ATP6V1A: variants seen among roughly 807,000 people sequenced by gnomAD.
The protein encoded by ATP6V1A is ATPase H+ transporting V1 subunit A, also known as V-type proton ATPase catalytic subunit A.
Under a neutral mutation model 70.1 loss-of-function variants are expected in ATP6V1A, and 18 were observed. The observed-to-expected ratio is 0.26, with a 90% CI of 0.18 to 0.38. The LOEUF is 0.38. Ranked by LOEUF, ATP6V1A falls within the 10% of genes least tolerant of loss-of-function variation. The probability of loss-of-function intolerance (pLI) is 1.00; values close to 1 mark genes in which losing one functional copy is unlikely to be tolerated. For synonymous variants in ATP6V1A, 232 were observed against 253.8 expected (o/e 0.91, Z 0.82); for missense variants, 424 against 772.4 (o/e 0.55, Z 5.35).
intron 12 of ATP6V1A, among the ~76,000 whole-genome samples, chr3:113,798,813 C>A (rs1709180277): frequency 6.6e-6 from 1 of 152,136 alleles, no homozygotes; most frequent in African/African-American, 2.4e-5. Context: ...GAGTTACATT[C>A]TTGTGCCTGT....
At chr3:113,800,575 A>G (rs1709200039) in intron 12 of ATP6V1A, among the ~76,000 whole-genome samples, 1 of 152,192 alleles carries the variant, frequency 6.6e-6, no homozygotes, top group African/African-American at 2.4e-5. Context: ...AAAAAACAAA[A>G]TGGATTGTTC....
chr3:113,760,827 G>C (rs1204817901), intron 1 of ATP6V1A, among the ~76,000 whole-genome samples: 5 of 151,720 alleles, frequency 3.3e-5, no homozygotes. Flanking sequence ...CCAGCACTTT[G>C]GGAGGCCAAG....
At chr3:113,792,605 G>C (rs1709108276) in intron 8 of ATP6V1A, among the ~76,000 whole-genome samples, 1 of 152,070 alleles carries the variant, frequency 6.6e-6, no homozygotes, top group African/African-American at 2.4e-5. Flanking sequence ...CAAAGTCCTG[G>C]GATTATAGGC....
chr3:113,794,142 C>T (rs1249975841), intron 8 of ATP6V1A, among the ~76,000 whole-genome samples: 1 of 152,188 alleles, frequency 6.6e-6, no homozygotes, highest in African/African-American at 2.4e-5. Context: ...TCTAAATTTA[C>T]AGGATAGGAC....
At chr3:113,759,764 TTA>T (rs1306065096) in intron 1 of ATP6V1A, among the ~76,000 whole-genome samples, 4 of 152,172 alleles carry the variant, frequency 2.6e-5, no homozygotes, top group African/African-American at 9.7e-5. Context: ...TGAAAGGGTT[TTA>T]TCAGTTTTCA....
intron 1 of ATP6V1A, among the ~76,000 whole-genome samples, chr3:113,774,494 T>G (rs1708886066): frequency 6.6e-6 from 1 of 152,058 alleles, no homozygotes; most frequent in South Asian, 2.1e-4. Flanking sequence ...TTCAAAGTCT[T>G]CAAACCGTGG....
chr3:113,806,120 A>G (rs2108046498), intron 14 of ATP6V1A, among the ~76,000 whole-genome samples: 1 of 152,234 alleles, frequency 6.6e-6, no homozygotes, highest in East Asian at 1.9e-4. Context: ...AAAAAATACA[A>G]AAGATTAGCC....
intron 1 of ATP6V1A, among the ~76,000 whole-genome samples, chr3:113,753,718 C>T (rs1708615807): frequency 1.5e-5 from 2 of 132,906 alleles, no homozygotes; most frequent in South Asian, 4.5e-4. Context: ...TTTCCTGAGA[C>T]AGGATCTTGC....
rs935959947 is a variant in ATP6V1A at position 113,758,960 on chromosome 3, A to C, written c.-14+11847A>C. Among the ~76,000 whole-genome samples, 3 of 152,188 alleles carry C rather than the reference A, an allele frequency of 2.0e-5. No homozygotes were observed. In the South Asian group the frequency reaches 6.2e-4, roughly 32 times the overall value. The stretch of plus-strand genomic sequence containing the variant: ...CATCTTTTCATGTACTTTGCCATCT[A>C]TCTTCCTTGGTTAAGTGAATGTTCA... On this transcript the variant is annotated intron_variant, in intron 1 of 14. Transcript: ENST00000273398.
rs1395697242 is a variant in ATP6V1A at position 113,786,488 on chromosome 3, C to T, written c.716+105C>T. The T allele has an allele frequency of 7.2e-6, 8 of 1,117,324 alleles. No homozygotes were observed. The South Asian group carries it at 1.6e-4, about 23-fold the overall frequency. 69.2% of individuals were successfully genotyped at this position (1,117,324 alleles called of 1,614,324 possible). On this transcript the variant is annotated intron_variant, in intron 6 of 14. Transcript: ENST00000273398. ...GGCTTATGTGTTTAACACTATAATA[C>T]ATTTTATCTAGAGTAATAATGGTGA...
intron 1 of ATP6V1A, among the ~76,000 whole-genome samples, chr3:113,768,811 G>A (rs931072522): frequency 2.0e-5 from 3 of 151,960 alleles, no homozygotes; most frequent in Non-Finnish European, 2.9e-5. Flanking sequence ...GGCCAGGCTG[G>A]TCTCAAACTC....
intron 1 of ATP6V1A, among the ~76,000 whole-genome samples, chr3:113,770,713 TAAG>T (rs2108019315): frequency 6.6e-6 from 1 of 151,912 alleles, no homozygotes; most frequent in African/African-American, 2.4e-5. Flanking sequence ...TATATTGTCT[TAAG>T]AAGGAGTTAT....
At position 113,770,586 on chromosome 3, in the gene ATP6V1A, C is replaced by T. The variant is rs557712846; in HGVS notation, c.-13-8155C>T. Among the ~76,000 whole-genome samples, 134 of 151,674 alleles carry T rather than the reference C, an allele frequency of 8.8e-4. No individual in the cohort carries two copies. The Middle Eastern group carries it at 0.01, about 12-fold the overall frequency. On this transcript the variant is annotated intron_variant, in intron 1 of 14. Transcript: ENST00000273398. ...CCCAGCTACTTGGGAGGCTGAGACA[C>T]AAGAATCGCTTGAACCCGGAAGGTG...
rs151069947 is a variant in ATP6V1A at position 113,751,805 on chromosome 3, C to G, written c.-14+4692C>G. 1.2e-3 allele frequency among the ~76,000 whole-genome samples: 177 copies of G among 151,590 alleles called. 1 individual carries two copies. Among genetic ancestry groups the G allele is most frequent in the African/African-American group, 3.9e-3 (161 of 41,454 alleles). On this transcript the variant is annotated intron_variant, in intron 1 of 14. Coordinates refer to ENST00000273398, the MANE Select transcript of ATP6V1A (RefSeq NM_001690.4). ...TTCGTAGTAACATATTTATTTTTACCTGAAACTACTGAAGTGATCTTTAGA... is the reference window on the plus strand; with the variant it reads ...TTCGTAGTAACATATTTATTTTTACGTGAAACTACTGAAGTGATCTTTAGA...
intron 2 of ATP6V1A, among the ~76,000 whole-genome samples, chr3:113,780,252 A>G (rs1018914017): frequency 2.6e-5 from 4 of 152,230 alleles, no homozygotes; most frequent in Admixed American, 2.0e-4. Context: ...CTGAAGTATT[A>G]CCTATAACAT....
At chr3:113,808,287 C>CTTTTTTT (rs748064694) in intron 14 of ATP6V1A, among the ~76,000 whole-genome samples, 14 of 89,810 alleles carry the variant, frequency 1.6e-4, no homozygotes, top group East Asian at 4.0e-4. Context: ...AAGTCTGTCT[C>CTTTTTTT]TTTTTTTTTT....
chr3:113,796,943 T>G (rs1256561229), intron 11 of ATP6V1A, among the ~76,000 whole-genome samples: 4 of 152,370 alleles, frequency 2.6e-5, no homozygotes, highest in East Asian at 1.9e-4. Context: ...GTTTTTGTTT[T>G]GTTTGTTTTG....
chr3:113,792,642 T>A (rs1709108505), intron 8 of ATP6V1A, among the ~76,000 whole-genome samples: 1 of 152,230 alleles, frequency 6.6e-6, no homozygotes, highest in Non-Finnish European at 1.5e-5. Context: ...GGCCTCTTTG[T>A]ACATTTCTTA....
intron 6 of ATP6V1A, among the ~76,000 whole-genome samples, chr3:113,786,731 G>T (rs930334343): frequency 6.6e-6 from 1 of 151,422 alleles, no homozygotes; most frequent in African/African-American, 2.4e-5. Flanking sequence ...ATTTTCTGAA[G>T]AAAATCTGTA....
Sources: gnomAD v4.1 joint callset for allele counts (sites outside exome capture counted in the v4.1 genomes callset) on GRCh38, gnomAD v4.1.1 for gene constraint, MANE v1.5 for transcripts, NCBI Gene and HGNC (gene_info 2026-07-23, HGNC 2026-07-21) for gene names.